The following GALNT7 variants were observed in gnomAD, a reference collection of about 807,000 sequenced individuals.
The protein encoded by GALNT7 is N-acetylgalactosaminyltransferase 7.
A neutral mutation model predicts 82.1 loss-of-function variants in GALNT7; 60 were observed. The observed-to-expected ratio is 0.73, with a 90% CI of 0.59 to 0.91. The LOEUF is 0.91. GALNT7 is among the 40% of genes least tolerant of loss of function. The pLI, the probability that GALNT7 is intolerant of heterozygous loss-of-function variation, is 0.00. For synonymous variants in GALNT7, 243 were observed against 275.1 expected, an observed-to-expected ratio of 0.88 and a Z score of 1.15; for missense variants, 660 against 804.2, an observed-to-expected ratio of 0.82 and a Z score of 2.17.
At chr4:173,298,472 A>G (rs1736803061) in intron 6 of GALNT7, 175 bp downstream of exon 6, 1 of 540,910 alleles carries the variant, frequency 1.8e-6, no homozygotes, top group Admixed American at 3.7e-5. Flanking sequence ...CTCCATTGTA[A>G]TTGCTTTTAC....
rs1276134895 is a variant in GALNT7 at position 173,292,676 on chromosome 4, C to A, written c.754+402C>A. 6.6e-6 allele frequency among the ~76,000 whole-genome samples: 1 copy of A among 152,156 alleles called. No homozygotes were observed. The highest frequency in any genetic ancestry group is 6.5e-5 in the Admixed American group (1 of 15,280). On this transcript the variant is annotated intron_variant, in intron 3 of 11. Transcript: ENST00000265000. This position sits in a 1 kb window ranked among gnomAD's most constrained non-coding sequence, Gnocchi z 4.8. ...GAGAATTCTTGCAGTCTGGATAAAC[C>A]TTTGCTGGTTTTGCAAGGACATGAT... is the stretch of plus-strand genomic sequence containing the variant.
At chr4:173,169,402 G>A (rs530146851) in intron 1 of GALNT7, 4 of 151,582 alleles carry the variant, frequency 2.6e-5, no homozygotes, top group African/African-American at 9.7e-5. Context: ...CAGGCCTGAA[G>A]GAGGCGAGAT....
At chr4:173,206,346 A>G (rs1211346107) in intron 1 of GALNT7, among the ~76,000 whole-genome samples, 1 of 152,118 alleles carries the variant, frequency 6.6e-6, no homozygotes, top group East Asian at 1.9e-4. Flanking sequence ...GTAATCTCTC[A>G]CTTGGTTTCC....
chr4:173,318,832 T>A (rs1172262208), intron 11 of GALNT7, among the ~76,000 whole-genome samples: 1 of 152,104 alleles, frequency 6.6e-6, no homozygotes, highest in Non-Finnish European at 1.5e-5. Flanking sequence ...TACAAGAAAG[T>A]CAGTGTTCTG....
chr4:173,205,596 G>T (rs1352680245), intron 1 of GALNT7, among the ~76,000 whole-genome samples: 1 of 152,184 alleles, frequency 6.6e-6, no homozygotes, highest in Non-Finnish European at 1.5e-5. Context: ...TATGTCCAGA[G>T]TTGCCAGCCT....
chr4:173,185,064 A>G (rs72711035), intron 1 of GALNT7, among the ~76,000 whole-genome samples: 4,160 of 152,366 alleles, frequency 0.027, 74 homozygotes, highest in Non-Finnish European at 0.038. Flanking sequence ...TTAGGATTTT[A>G]CATGTGTACG....
At chr4:173,317,300 ACT>A (rs1243744952) in intron 9 of GALNT7, 2 of 240,326 alleles carry the variant, frequency 8.3e-6, no homozygotes, top group African/African-American at 4.7e-5. Flanking sequence ...GTTTATTACC[ACT>A]GTGGTTAGGT....
chr4:173,262,706 A>G (rs951794005), intron 2 of GALNT7, among the ~76,000 whole-genome samples: 1 of 152,194 alleles, frequency 6.6e-6, no homozygotes. Flanking sequence ...TAAAAAATAA[A>G]TCATAAAAAC....
Position 173,302,235 on chromosome 4 carries a change from GT to G in GALNT7, c.1266+77del. ...CTTCTGTGGCTTTCAGATAAAGCTA[GT>G]TTTTTGTGGGGGAAAAAAGCCCACA... On this transcript the variant is annotated intron_variant, in intron 7 of 11. Coordinates refer to ENST00000265000, the MANE Select transcript of GALNT7 (RefSeq NM_017423.3). The surrounding 1 kb of genome is among the most constrained non-coding windows in gnomAD (Gnocchi z 4.2). 1.3e-6 allele frequency: 1 copy of G among 779,284 alleles called. No homozygotes were observed. Among genetic ancestry groups the G allele is most frequent in the Non-Finnish European group, 2.3e-6 (1 of 436,198 alleles). 48.3% of individuals were successfully genotyped at this position (779,284 alleles called of 1,614,324 possible).
intron 1 of GALNT7, among the ~76,000 whole-genome samples, chr4:173,218,270 C>A (rs1733534374): frequency 6.6e-6 from 1 of 152,136 alleles, no homozygotes. Flanking sequence ...GAATCTTACT[C>A]AGTTCCCTAA....
Position 173,220,430 on chromosome 4 carries a change from C to A in GALNT7, c.127-27550C>A, listed in dbSNP as rs182259183. 2.6e-5 allele frequency among the ~76,000 whole-genome samples: 4 copies of A among 152,178 alleles called. No individual in the cohort carries two copies. The East Asian group carries it at 5.8e-4, about 22-fold the overall frequency. On this transcript the variant is annotated intron_variant, in intron 1 of 11. Coordinates refer to ENST00000265000, the MANE Select transcript of GALNT7 (RefSeq NM_017423.3). ...TAGTTTGAAGTTGGGAAATGTAATA[C>A]CTCCAGATTTGTTCTTTTGCTTAGT...
rs145652132 is a variant in GALNT7, at chr4:173,238,124, A to G, written c.127-9856A>G. ...CTCTCCATGTGCATACATAATATAT[A>G]TGCATACATAAATTATTCATATGTT... On this transcript the variant is annotated intron_variant, in intron 1 of 11. Transcript: ENST00000265000. Among the ~76,000 whole-genome samples the G allele has an allele frequency of 3.8e-3, 584 of 152,300 alleles. 3 individuals are homozygous for G. Among genetic ancestry groups the G allele is most frequent in the African/African-American group, 0.013 (560 of 41,564 alleles).
In GALNT7 at chr4:173,321,771, C is replaced by T; in HGVS notation, c.*54C>T. 7.8e-7 allele frequency: 1 copy of T among 1,277,308 alleles called. No individual in the cohort carries two copies. Among genetic ancestry groups the T allele is most frequent in the Non-Finnish European group, 1.1e-6 (1 of 885,232 alleles). 79.1% of individuals were successfully genotyped at this position (1,277,308 alleles called of 1,614,324 possible). A position where few individuals can be genotyped will look rare whatever the true frequency, so the allele number is the denominator to read the frequency against. Reference sequence around the variant, plus strand: ...TACTGACAAGTAAATTTATACAGGACTGAAAACCGCCTGAAACCTGCTGCA... The same window carrying T: ...TACTGACAAGTAAATTTATACAGGATTGAAAACCGCCTGAAACCTGCTGCA... On this transcript the variant is annotated 3_prime_UTR_variant, in exon 12 of 12. Coordinates refer to ENST00000265000, the MANE Select transcript of GALNT7 (RefSeq NM_017423.3).
At chr4:173,215,717 C>A (rs1044429978) in intron 1 of GALNT7, among the ~76,000 whole-genome samples, 1 of 152,162 alleles carries the variant, frequency 6.6e-6, no homozygotes, top group Non-Finnish European at 1.5e-5. Context: ...CATATAAAAT[C>A]CACTCTTCTT....
At chr4:173,242,537 A>C (rs773703013) in intron 1 of GALNT7, among the ~76,000 whole-genome samples, 1 of 152,200 alleles carries the variant, frequency 6.6e-6, no homozygotes, top group Non-Finnish European at 1.5e-5. Flanking sequence ...TATCCATTTT[A>C]AGCCCTGATT....
intron 1 of GALNT7, among the ~76,000 whole-genome samples, chr4:173,182,848 TTTTCTC>T (rs1341602386): frequency 5.1e-5 from 6 of 117,858 alleles, no homozygotes; most frequent in Non-Finnish European, 1.0e-4. Flanking sequence ...ACACACAGCT[TTTTCTC>T]TATGTACCTG....
At chr4:173,169,331 G>A (rs1731764850) in intron 1 of GALNT7, 1 of 150,158 alleles carries the variant, frequency 6.7e-6, no homozygotes, top group South Asian at 2.1e-4. Context: ...GGGGGGCCGG[G>A]ACCGCAGCGC....
chr4:173,177,063 T>C (rs1169927329), intron 1 of GALNT7, among the ~76,000 whole-genome samples: 1 of 152,188 alleles, frequency 6.6e-6, no homozygotes, highest in Non-Finnish European at 1.5e-5. Flanking sequence ...TTGATGCCTT[T>C]AGAAGGAATA....
intron 1 of GALNT7, among the ~76,000 whole-genome samples, chr4:173,236,971 C>A (rs1734252532): frequency 6.6e-6 from 1 of 152,160 alleles, no homozygotes; most frequent in Non-Finnish European, 1.5e-5. Context: ...AATAAGCATT[C>A]CTTCTTGAGA....
Sources: gnomAD v4.1 joint callset for allele counts (sites outside exome capture counted in the v4.1 genomes callset) on GRCh38, gnomAD v4.1.1 for gene constraint, Gnocchi (gnomAD v3.1) non-coding constraint, MANE v1.5 for transcripts, NCBI Gene and HGNC (gene_info 2026-07-23, HGNC 2026-07-21) for gene names.